The following ZNF345 variants were observed in gnomAD, a reference collection of about 807,000 sequenced individuals.
The protein encoded by ZNF345 is zinc finger protein HZF10.
For synonymous variants in ZNF345, 166 were observed against 187.9 expected, an observed-to-expected ratio of 0.88 and a Z score of 0.95; for missense variants, 527 against 589.9, an observed-to-expected ratio of 0.89 and a Z score of 1.10.
intron 2 of ZNF345, among the ~76,000 whole-genome samples, chr19:36,864,151 CA>C (rs1483345455): frequency 6.6e-6 from 1 of 152,078 alleles, no homozygotes; most frequent in East Asian, 1.9e-4. Flanking sequence ...AATTATTAAC[CA>C]TCGTGGAACT....
At chr19:36,854,673 T>C (rs2072366292) in intron 2 of ZNF345, 1 of 152,202 alleles carries the variant, frequency 6.6e-6, no homozygotes, top group Non-Finnish European at 1.5e-5. Flanking sequence ...TTTAACATTT[T>C]CTTTTATTCT....
chr19:36,868,110 C>G lies in ZNF345; in HGVS notation c.-46-8675C>G, dbSNP rs1299691426. Among the ~76,000 whole-genome samples the G allele has an allele frequency of 8.8e-5, 13 of 147,362 alleles. No individual in the cohort carries two copies. In the Admixed American group the frequency reaches 8.9e-4, roughly 10 times the overall value. On this transcript the variant is annotated intron_variant, in intron 2 of 2. Transcript: ENST00000420450. ...CTCTGCTTCCTGCGTTCCAAAAATT[C>G]TCCTGCCTCAGGCTCCCGAGTAGCT... is the stretch of plus-strand genomic sequence containing the variant.
chr19:36,868,467 T>G (rs1188806720), intron 2 of ZNF345, among the ~76,000 whole-genome samples: 1 of 152,116 alleles, frequency 6.6e-6, no homozygotes, highest in South Asian at 2.1e-4. Flanking sequence ...TTCCATTAGT[T>G]TACAAGGCTG....
In ZNF345 at chr19:36,878,256, C is replaced by T; in HGVS notation, c.1426C>T (p.His476Tyr). 3 of 1,600,568 alleles carry T rather than the reference C, an allele frequency of 1.9e-6. No homozygotes were observed. Among genetic ancestry groups the T allele is most frequent in the Non-Finnish European group, 2.6e-6 (3 of 1,175,432 alleles). The change falls in exon 3 of 3, where the codon CAT (histidine) becomes TAT (tyrosine). Residue 476 changes from histidine to tyrosine, a missense_variant. His to Tyr is a moderately conservative substitution (Grantham distance 83, BLOSUM62 2). Transcript: ENST00000420450. ...AGAGTTTCAGCAACATAAGAAAAGT[C>T]ATAATGGTAAGAAACTCTGCGAATT... ...DSEFQQHKKS[H>Y]NGKKLCELET...
chr19:36,891,744 C>T, intron 3 of ZNF345: 1 of 1,614,158 alleles, frequency 6.2e-7, no homozygotes, highest in Non-Finnish European at 8.5e-7. Context: ...CATAGAGCTT[C>T]TCACCAGCAT....
downstream of ZNF345, among the ~76,000 whole-genome samples, chr19:36,880,830 G>A (rs502110): frequency 0.26 from 38,914 of 152,012 alleles, 7,367 homozygotes; most frequent in African/African-American, 0.53. Context: ...TTTTAAATAA[G>A]TGGCACTGAA....
rs1483146021 is a variant in ZNF345 at position 36,867,824 on chromosome 19, T to G, written c.-46-8961T>G. Among the ~76,000 whole-genome samples, 3 of 152,130 alleles carry G rather than the reference T, an allele frequency of 2.0e-5. No individual in the cohort carries two copies. The East Asian group carries it at 5.8e-4, about 29-fold the overall frequency. On this transcript the variant is annotated intron_variant, in intron 2 of 2. Transcript: ENST00000420450. ...TTTGGGTTTATTTCTGGATTTTCAGTTTTATTCCATTAGTTTACAAGTCTG... is the reference window on the plus strand; with the variant it reads ...TTTGGGTTTATTTCTGGATTTTCAGGTTTATTCCATTAGTTTACAAGTCTG...
intron 2 of ZNF345, chr19:36,872,561 C>T (rs2072792308): frequency 6.6e-6 from 1 of 152,492 alleles, no homozygotes; most frequent in African/African-American, 2.4e-5. Flanking sequence ...CTCCTCTTCA[C>T]CTTCTGCTAG....
At chr19:36,891,322 T>A in intron 3 of ZNF345, 1 of 606,126 alleles carries the variant, frequency 1.6e-6, no homozygotes, top group Non-Finnish European at 2.6e-6. Flanking sequence ...GAGAATAAAT[T>A]TCTCTTGTTT....
chr19:36,860,497 T>A (rs1489853141), intron 2 of ZNF345, among the ~76,000 whole-genome samples: 1 of 152,208 alleles, frequency 6.6e-6, no homozygotes, highest in East Asian at 1.9e-4. Flanking sequence ...TCTTCTTTAA[T>A]CTGGAAGAGT....
intron 3 of ZNF345, among the ~76,000 whole-genome samples, chr19:36,885,355 C>T (rs894408964): frequency 1.3e-5 from 2 of 151,098 alleles, no homozygotes; most frequent in Admixed American, 6.6e-5. Flanking sequence ...AAATGCGTAT[C>T]GTGTCTTTTC....
chr19:36,866,099 T>A (rs1160846242), intron 2 of ZNF345, among the ~76,000 whole-genome samples: 1 of 152,152 alleles, frequency 6.6e-6, no homozygotes, highest in Non-Finnish European at 1.5e-5. Flanking sequence ...TCATAAATTA[T>A]ATTAGCCCAA....
rs76536114 is a variant in ZNF345 at position 36,878,930 on chromosome 19, C to G, written c.*633C>G. 157 of 163,600 alleles carry G rather than the reference C, an allele frequency of 9.6e-4. 1 individual carries two copies. The East Asian group carries it at 0.012, about 12-fold the overall frequency. 10.1% of individuals were successfully genotyped at this position (163,600 alleles called of 1,614,324 possible). ...TCGGTTCACTGCAACCTCCACCTCC[C>G]GAGTTCAAGTGATTTTCCTGCCTCA... On this transcript the variant is annotated 3_prime_UTR_variant, in exon 3 of 3. Transcript: ENST00000420450.
At chr19:36,863,019 G>A (rs1366253489) in intron 2 of ZNF345, 1 of 152,170 alleles carries the variant, frequency 6.6e-6, no homozygotes, top group Non-Finnish European at 1.5e-5. Flanking sequence ...AAGGTGAGAG[G>A]CCTCAGAAGA....
chr19:36,891,824 G>T (rs1568366585), intron 3 of ZNF345: 2 of 1,614,096 alleles, frequency 1.2e-6, no homozygotes, highest in Non-Finnish European at 1.7e-6. Flanking sequence ...CATTCATAAG[G>T]TTTCTCACCA....
At chr19:36,866,573 A>T (rs1459079611) in intron 2 of ZNF345, among the ~76,000 whole-genome samples, 1 of 152,146 alleles carries the variant, frequency 6.6e-6, no homozygotes, top group East Asian at 1.9e-4. Context: ...CTTTTTTGAG[A>T]CAGTCTCACT....
rs1312765939 is a variant in ZNF345, at chr19:36,879,396, T to C, written c.*1099T>C. 6.0e-6 allele frequency: 1 copy of C among 167,090 alleles called. No homozygotes were observed. The highest frequency in any genetic ancestry group is 1.5e-5 in the Non-Finnish European group (1 of 68,120). The allele number at this position is 167,090 out of a possible 1,614,324, so 10.4% of individuals were successfully genotyped here. A position where few individuals can be genotyped will look rare whatever the true frequency, so the allele number is the denominator to read the frequency against. On this transcript the variant is annotated 3_prime_UTR_variant, in exon 3 of 3. Coordinates refer to ENST00000420450, the MANE Select transcript of ZNF345 (RefSeq NM_001242472.2). Reference sequence around the variant, plus strand: ...ACTGTCAAACTTTTGGAGCAAATCCTTTAATACTATCTCTCATTGTTTTGG... The same window carrying C: ...ACTGTCAAACTTTTGGAGCAAATCCCTTAATACTATCTCTCATTGTTTTGG...
intron 2 of ZNF345, among the ~76,000 whole-genome samples, chr19:36,859,087 C>CTT (rs201550184): frequency 7.3e-6 from 1 of 137,238 alleles, no homozygotes; most frequent in Non-Finnish European, 1.6e-5. Context: ...CAGCAGTCTT[C>CTT]TTTTTAAAAA....
chr19:36,892,345 G>A (rs1239557907), intron 3 of ZNF345: 3 of 1,613,684 alleles, frequency 1.9e-6, no homozygotes, highest in Middle Eastern at 3.3e-4. Flanking sequence ...TTCACTCATA[G>A]TTTTTTGAGG....
Sources: allele counts gnomAD v4.1 joint callset (sites outside exome capture counted in the v4.1 genomes callset), GRCh38; gene constraint gnomAD v4.1.1; transcripts MANE v1.5; gene names NCBI Gene and HGNC (gene_info 2026-07-23, HGNC 2026-07-21).